The following PIKFYVE variants were observed in gnomAD, a reference collection of about 807,000 sequenced individuals.
PIKFYVE encodes the protein phosphoinositide kinase, FYVE-type zinc finger containing, also known as 1-phosphatidylinositol 3-phosphate 5-kinase.
In PIKFYVE, 122 loss-of-function variants were observed where a neutral mutation model predicts 257.9. The ratio of observed to expected loss-of-function variants is 0.47; its 90% CI spans 0.41 to 0.55. The LOEUF (loss-of-function observed/expected upper bound fraction) is 0.55. PIKFYVE is among the 20% of genes least tolerant of loss of function. The pLI, the probability that PIKFYVE is intolerant of heterozygous loss-of-function variation, is 0.00. For synonymous variants in PIKFYVE, 892 were observed against 868.9 expected (o/e 1.03, Z -0.47); for missense variants, 2,160 against 2,536.6 (o/e 0.85, Z 3.19).
intron 28 of PIKFYVE, 97 bp from the exon 29 acceptor site, chr2:208,338,411 T>G (rs1402912888): frequency 4.7e-6 from 5 of 1,059,280 alleles, no homozygotes; most frequent in Non-Finnish European, 7.2e-6. Context: ...TATAAATGGG[T>G]CCTGAGACCA....
At chr2:208,349,604 ATAT>A (rs1699579477) in intron 35 of PIKFYVE, among the ~76,000 whole-genome samples, 1 of 151,342 alleles carries the variant, frequency 6.6e-6, no homozygotes, top group Non-Finnish European at 1.5e-5. Context: ...TTATAAAATA[ATAT>A]TTTATGCATA....
Position 208,300,987 on chromosome 2 carries a change from T to C in PIKFYVE, c.1101T>C (p.Ser367=). ...GGAAAAAAATCTGCCATCACAGCAG[T>C]GGAATGGAGTTTCAGGATCACCGCT... is the stretch of plus-strand genomic sequence containing the variant. ...DLWKKICHHS[S]GMEFQDHRYW... is the part of the protein sequence containing the mutation. The change falls in exon 9 of 42, where the codon AGT becomes AGC. Residue 367 remains serine, a synonymous_variant. Coordinates refer to ENST00000264380, the MANE Select transcript of PIKFYVE (RefSeq NM_015040.4). 1.2e-6 allele frequency: 2 copies of C among 1,614,138 alleles called. No homozygotes were observed. Among genetic ancestry groups the C allele is most frequent in the Non-Finnish European group, 1.7e-6 (2 of 1,180,000 alleles).
chr2:208,272,088 A>C (rs1689495163), intron 2 of PIKFYVE, among the ~76,000 whole-genome samples: 1 of 152,030 alleles, frequency 6.6e-6, no homozygotes, highest in Admixed American at 6.5e-5. Flanking sequence ...CAAAAAAATT[A>C]GCCGGGCATG....
At chr2:208,316,366 A>T (rs531487282) in intron 15 of PIKFYVE, among the ~76,000 whole-genome samples, 8 of 152,216 alleles carry the variant, frequency 5.3e-5, no homozygotes, top group Admixed American at 3.9e-4. Flanking sequence ...TAGCAGCATG[A>T]TTTATAGTCC....
intron 41 of PIKFYVE, 143 bp downstream of exon 41, chr2:208,354,788 A>G (rs1034201084): frequency 4.2e-6 from 3 of 712,822 alleles, no homozygotes; most frequent in South Asian, 1.7e-5. Flanking sequence ...GTGACCAAAC[A>G]ATAATGAGAA....
Position 208,326,425 on chromosome 2 carries a change from C to A in PIKFYVE, c.3614C>A (p.Thr1205Lys), listed in dbSNP as rs1452530107. ...ATTCTGAGTGATGCTGTGTGGTCAA[C>A]AAAGGTGAGCCAGACCACTTTCTGA... is the stretch of plus-strand genomic sequence containing the variant. ...GLILSDAVWS[T>K]KVDCLNPINH... The change falls in exon 20 of 42, where the codon ACA becomes AAA. Residue 1205 changes from threonine (T) to lysine (K), a missense_variant. Coordinates refer to ENST00000264380, the MANE Select transcript of PIKFYVE (RefSeq NM_015040.4). 1.9e-6 allele frequency: 3 copies of A among 1,613,786 alleles called. No individual in the cohort carries two copies. Among genetic ancestry groups the A allele is most frequent in the Admixed American group, 1.7e-5 (1 of 59,990 alleles).
intron 12 of PIKFYVE, 41 bp downstream of exon 12, chr2:208,305,054 A>C: frequency 6.2e-7 from 1 of 1,612,712 alleles, no homozygotes. Flanking sequence ...CACAGGCTGG[A>C]CAGCTGGGCC....
rs376400792 is a variant in PIKFYVE, at chr2:208,267,569, C to A, written c.-10+1154C>A. ...TCCCCCAGGTTGGAGTGCAGTGGCG[C>A]GATCTCCTCCGACTGCAACCTCCGC... is the stretch of plus-strand genomic sequence containing the variant. On this transcript the variant is annotated intron_variant, in intron 1 of 41. Coordinates refer to ENST00000264380, the MANE Select transcript of PIKFYVE (RefSeq NM_015040.4). Among the ~76,000 whole-genome samples the A allele has an allele frequency of 4.7e-5, 6 of 128,418 alleles. No individual in the cohort carries two copies. The South Asian group carries it at 1.5e-3, about 33-fold the overall frequency. The allele number at this position is 128,418 out of a possible 152,430, so 84.2% of individuals were successfully genotyped here. A position where few individuals can be genotyped will look rare whatever the true frequency, so the allele number is the denominator to read the frequency against.
At chr2:208,280,491 T>C (rs897404161) in intron 5 of PIKFYVE, among the ~76,000 whole-genome samples, 4 of 152,196 alleles carry the variant, frequency 2.6e-5, no homozygotes, top group Admixed American at 2.0e-4. Flanking sequence ...CAGTTGAGAG[T>C]AGGTGTCTAA....
At chr2:208,285,257 G>T (rs1053297117) in intron 5 of PIKFYVE, among the ~76,000 whole-genome samples, 1 of 151,952 alleles carries the variant, frequency 6.6e-6, no homozygotes, top group African/African-American at 2.4e-5. Context: ...TACCATGCCC[G>T]GCTAATTTTT....
intron 11 of PIKFYVE, 73 bp from the exon 12 acceptor site, chr2:208,304,773 C>G: frequency 1.4e-6 from 2 of 1,437,344 alleles, no homozygotes; most frequent in Non-Finnish European, 9.8e-7. Flanking sequence ...CTCCTTTCCT[C>G]CAATACCCTG....
At chr2:208,273,790 T>C (rs1001557925) in intron 3 of PIKFYVE, 57 bp downstream of exon 3, 1 of 1,597,670 alleles carries the variant, frequency 6.3e-7, no homozygotes, top group South Asian at 1.1e-5. Context: ...CCACAGTCAT[T>C]GTGTTTCCTA....
intron 17 of PIKFYVE, 125 bp downstream of exon 17, chr2:208,320,484 C>T: frequency 9.0e-7 from 1 of 1,110,436 alleles, no homozygotes; most frequent in Non-Finnish European, 1.3e-6. Flanking sequence ...TGATAGCTTA[C>T]CAAAACCTCT....
At chr2:208,332,174 T>C (rs1697619882) in intron 23 of PIKFYVE, among the ~76,000 whole-genome samples, 1 of 152,138 alleles carries the variant, frequency 6.6e-6, no homozygotes, top group Non-Finnish European at 1.5e-5. Context: ...GACATGACAA[T>C]GCAATTTAAT....
intron 11 of PIKFYVE, 66 bp downstream of exon 11, chr2:208,304,384 T>A: frequency 6.4e-7 from 1 of 1,555,322 alleles, no homozygotes; most frequent in South Asian, 1.1e-5. Flanking sequence ...ATAAAATGAT[T>A]ATCTTGTTTG....
At chr2:208,312,176 A>G in intron 12 of PIKFYVE, 60 bp from the exon 13 acceptor site, 3 of 1,177,886 alleles carry the variant, frequency 2.5e-6, no homozygotes, top group South Asian at 2.5e-5. Flanking sequence ...TTATGCTGAC[A>G]TGTTATAGTC....
Position 208,339,434 on chromosome 2 carries a change from A to G in PIKFYVE, c.4689A>G (p.Thr1563=), listed in dbSNP as rs1342677985. The part of the protein sequence containing the change: ...QNGEKEDRFL[T]TLSSQSSTSS... ...TTTCTTTAGAGGATCGCTTCTTAAC[A>G]ACTTTGTCCAGCCAGAGCTCCACCA... Residue 1563 remains threonine, a synonymous_variant, in exon 30 of 42, where the codon ACA becomes ACG. Transcript: ENST00000264380. 6.2e-7 allele frequency: 1 copy of G among 1,614,164 alleles called. No homozygotes were observed. The highest frequency in any genetic ancestry group is 1.3e-5 in the African/African-American group (1 of 75,042).
At chr2:208,309,135 G>C (rs1694683600) in intron 12 of PIKFYVE, among the ~76,000 whole-genome samples, 1 of 152,068 alleles carries the variant, frequency 6.6e-6, no homozygotes, top group Admixed American at 6.6e-5. Context: ...TCTATATTTA[G>C]AGTTGTTCAC....
At chr2:208,333,743 T>G (rs1574678164) in intron 24 of PIKFYVE, among the ~76,000 whole-genome samples, 1 of 152,150 alleles carries the variant, frequency 6.6e-6, no homozygotes, top group African/African-American at 2.4e-5. Context: ...TCTCAAGTGG[T>G]GGAGTAATGA....
Sources: allele counts gnomAD v4.1 joint callset (sites outside exome capture counted in the v4.1 genomes callset), GRCh38; gene constraint gnomAD v4.1.1; transcripts MANE v1.5; gene names NCBI Gene and HGNC (gene_info 2026-07-23, HGNC 2026-07-21).